Variants in AR observed in about 807,000 individuals in gnomAD.
AR encodes dihydrotestosterone receptor.
In AR, 8 loss-of-function variants were observed where a neutral mutation model predicts 53.9. The ratio of observed to expected loss-of-function variants is 0.15; its 90% CI spans 0.09 to 0.27. The LOEUF is 0.27. Among genes scored for constraint, AR ranks in the 10% least tolerant of loss-of-function variants. The pLI, the probability that AR is intolerant of heterozygous loss-of-function variation, is 1.00. For missense variants in AR, 639 were observed against 742.5 expected (o/e 0.86, Z 1.62); for synonymous variants, 359 against 316.4 (o/e 1.13, Z -1.43).
In AR at chrX:67,631,460, G is replaced by A. The variant is rs1219535531; in HGVS notation, c.1617-11796G>A. Among the ~76,000 whole-genome samples the A allele has an allele frequency of 5.4e-5, 6 of 111,733 alleles. No homozygotes were observed. The East Asian group carries it at 1.1e-3, about 21-fold the overall frequency. ...CTCCTGAGGTTTCTGCATTCTTCAC[G>A]TAGTTCTCGAGCCTTAGTTTTCAGC... On this transcript the variant is annotated intron_variant, in intron 1 of 7. Coordinates refer to ENST00000374690, the MANE Select transcript of AR (RefSeq NM_000044.6).
chrX:67,643,502 A>C, intron 2 of AR, 95 bp downstream of exon 2: 1 of 1,085,641 alleles, frequency 9.2e-7, no homozygotes, highest in Non-Finnish European at 1.2e-6. Flanking sequence ...TTATCATCTC[A>C]GAAATAGAGT....
intron 1 of AR, among the ~76,000 whole-genome samples, chrX:67,611,160 A>G (rs1475032934): frequency 3.6e-5 from 4 of 112,158 alleles, no homozygotes; most frequent in Non-Finnish European, 7.5e-5. Context: ...ACCATTGGAC[A>G]TAAGGAATGT....
intron 3 of AR, among the ~76,000 whole-genome samples, chrX:67,693,031 A>T (rs765669713): frequency 8.9e-6 from 1 of 112,857 alleles, no homozygotes; most frequent in Non-Finnish European, 1.9e-5. Context: ...GCGTCTCTTA[A>T]TTCCTCCAAA....
chrX:67,562,626 G>A lies in AR; in HGVS notation c.1616+15864G>A, dbSNP rs554569193. On this transcript the variant is annotated intron_variant, in intron 1 of 7. Transcript: ENST00000374690. ...ACCTGCTTGACTCTTCTAGTCATTCGAGTATGTCATCCCCATCAGATCAGA... is the reference window on the plus strand; with the variant it reads ...ACCTGCTTGACTCTTCTAGTCATTCAAGTATGTCATCCCCATCAGATCAGA... 1.5e-4 allele frequency among the ~76,000 whole-genome samples: 17 copies of A among 110,969 alleles called. No individual in the cohort carries two copies. In the South Asian group the frequency reaches 5.3e-3, roughly 35 times the overall value.
intron 1 of AR, among the ~76,000 whole-genome samples, chrX:67,624,904 CAAAAAAAAAAAAA>C (rs140323582): frequency 6.0e-4 from 11 of 18,184 alleles, no homozygotes; most frequent in East Asian, 2.3e-3. Context: ...GGCAATTAGG[CAAAAAAAAAAAAA>C]AAAAAAAAAA....
Position 67,634,374 on chromosome X carries a change from G to T in AR, c.1617-8882G>T, listed in dbSNP as rs1053241266. On this transcript the variant is annotated intron_variant, in intron 1 of 7. Transcript: ENST00000374690. ...TTTATTAAGCACTGTGTCCGCAGTG[G>T]TGTGGGGCTGCTTTACCTCCACAAC... 3.6e-5 allele frequency among the ~76,000 whole-genome samples: 4 copies of T among 111,581 alleles called. No homozygotes were observed. In the East Asian group the frequency reaches 1.1e-3, roughly 32 times the overall value.
At chrX:67,683,697 A>G (rs1249355945) in intron 2 of AR, among the ~76,000 whole-genome samples, 1 of 112,316 alleles carries the variant, frequency 8.9e-6, no homozygotes, top group Non-Finnish European at 1.9e-5. Context: ...CTTGCACATA[A>G]TAGATTATCA....
intron 1 of AR, among the ~76,000 whole-genome samples, chrX:67,551,601 C>T (rs747503883): frequency 2.7e-5 from 3 of 111,805 alleles, no homozygotes; most frequent in Non-Finnish European, 5.6e-5. Context: ...TCACTGCATT[C>T]GTGTAAGTGT....
rs1305696138 is a variant in AR, at chrX:67,545,852, G to A, written c.706G>A (p.Ala236Thr). 2 of 1,212,004 alleles carry A rather than the reference G, an allele frequency of 1.7e-6. No homozygotes were observed. Among genetic ancestry groups the A allele is most frequent in the Non-Finnish European group, 2.2e-6 (2 of 895,577 alleles). The change falls in exon 1 of 8, where the codon GCC becomes ACC. Residue 236 changes from alanine (A) to threonine (T), a missense_variant. Physicochemically the swap from Ala to Thr is moderately conservative, Grantham distance 58 (BLOSUM62 0). Coordinates refer to ENST00000374690, the MANE Select transcript of AR (RefSeq NM_000044.6). ...GGGCACTTCGACCATTTCTGACAACGCCAAGGAGTTGTGTAAGGCAGTGTC... is the reference window on the plus strand; with the variant it reads ...GGGCACTTCGACCATTTCTGACAACACCAAGGAGTTGTGTAAGGCAGTGTC... The part of the protein sequence containing the change: ...LGGTSTISDN[A>T]KELCKAVSVS...
At chrX:67,576,202 G>A (rs1393437718) in intron 1 of AR, among the ~76,000 whole-genome samples, 1 of 110,858 alleles carries the variant, frequency 9.0e-6, no homozygotes, top group Non-Finnish European at 1.9e-5. Context: ...AAGTCCTCAC[G>A]GAGAGCTGGA....
At position 67,608,710 on chromosome X, in the gene AR, A is replaced by G. The variant is rs972470442; in HGVS notation, c.1617-34546A>G. Among the ~76,000 whole-genome samples the G allele has an allele frequency of 3.6e-5, 4 of 111,990 alleles. No individual in the cohort carries two copies. In the Admixed American group the frequency reaches 3.8e-4, roughly 11 times the overall value. On this transcript the variant is annotated intron_variant, in intron 1 of 7. Transcript: ENST00000374690. ...AACAAGTAAAACATATCACTAGTTA[A>G]TCACTCTACCAAAATTCATTTTTAT...
Position 67,639,561 on chromosome X carries a change from T to G in AR, c.1617-3695T>G, listed in dbSNP as rs753425258. 1.4e-3 allele frequency among the ~76,000 whole-genome samples: 155 copies of G among 111,552 alleles called. 1 individual carries two copies. The highest frequency in any genetic ancestry group is 4.9e-3 in the African/African-American group (151 of 30,689). On this transcript the variant is annotated intron_variant, in intron 1 of 7. Transcript: ENST00000374690. Reference sequence around the variant, plus strand: ...CCCTTGTAAGTTGGATTCCTACATATTTTATTCTGTTTGTAGCAATTGTGA... The same window carrying G: ...CCCTTGTAAGTTGGATTCCTACATAGTTTATTCTGTTTGTAGCAATTGTGA...
At chrX:67,680,285 G>A (rs2075925331) in intron 2 of AR, among the ~76,000 whole-genome samples, 1 of 111,724 alleles carries the variant, frequency 9.0e-6, no homozygotes, top group Non-Finnish European at 1.9e-5. Context: ...TATGCCTTTA[G>A]ATACTTTAAA....
At chrX:67,630,988 A>G (rs766304872) in intron 1 of AR, among the ~76,000 whole-genome samples, 65 of 111,595 alleles carry the variant, frequency 5.8e-4, no homozygotes, top group Non-Finnish European at 1.5e-4. Flanking sequence ...TCTGGCTTGT[A>G]AAGTTTCTGC....
At chrX:67,567,815 G>A (rs1404834063) in intron 1 of AR, among the ~76,000 whole-genome samples, 2 of 111,489 alleles carry the variant, frequency 1.8e-5, no homozygotes, top group Admixed American at 1.9e-4. Context: ...ATTCAGAAAG[G>A]GCTTATAGAT....
intron 3 of AR, among the ~76,000 whole-genome samples, chrX:67,686,407 A>G (rs779720641): frequency 4.5e-5 from 5 of 111,566 alleles, no homozygotes; most frequent in Non-Finnish European, 9.4e-5. Flanking sequence ...GATGCATCTG[A>G]CTGGGCAGGG....
intron 3 of AR, chrX:67,695,738 AAC>A (rs760106489): frequency 0.011 from 6,916 of 645,929 alleles, 5 homozygotes; most frequent in African/African-American, 0.048. Context: ...AGTCTGTCTA[AAC>A]ACACACACAC....
chrX:67,719,583 C>T (rs2076127529), intron 5 of AR, among the ~76,000 whole-genome samples: 2 of 112,112 alleles, frequency 1.8e-5, no homozygotes, highest in Admixed American at 1.9e-4. Context: ...TAGGAAGCCA[C>T]TGTGTTAGAG....
Position 67,655,379 on chromosome X carries a change from C to T in AR, c.1768+11972C>T, listed in dbSNP as rs773830738. Among the ~76,000 whole-genome samples, 9 of 111,506 alleles carry T rather than the reference C, an allele frequency of 8.1e-5. No homozygotes were observed. The East Asian group carries it at 2.3e-3, about 28-fold the overall frequency. The stretch of plus-strand genomic sequence containing the variant: ...TTCTTCTGCCATCCCACCTGTGTAG[C>T]CTCTTCAACTCCCCCAAAACTCCTC... On this transcript the variant is annotated intron_variant, in intron 2 of 7. Coordinates refer to ENST00000374690, the MANE Select transcript of AR (RefSeq NM_000044.6).
Sources: gnomAD v4.1 joint callset for allele counts (sites outside exome capture counted in the v4.1 genomes callset) on GRCh38, gnomAD v4.1.1 for gene constraint, MANE v1.5 for transcripts, NCBI Gene and HGNC (gene_info 2026-07-23, HGNC 2026-07-21) for gene names.